Variants in AVL9 observed in about 807,000 individuals in gnomAD.
AVL9 encodes late secretory pathway protein AVL9 homolog.
Under a neutral mutation model 79.2 loss-of-function variants are expected in AVL9, and 49 were observed. That is an observed-to-expected ratio of 0.62 (90% CI 0.49 to 0.79). AVL9 has a LOEUF of 0.79. Ranked by LOEUF, AVL9 falls within the 30% of genes least tolerant of loss-of-function variation. The pLI is 0.00. For missense variants in AVL9, 682 were observed against 776.8 expected (o/e 0.88, Z 1.45); for synonymous variants, 299 against 280.6 (o/e 1.07, Z -0.65).
chr7:32,556,067 T>C (rs1289745336), intron 8 of AVL9, among the ~76,000 whole-genome samples: 1 of 152,168 alleles, frequency 6.6e-6, no homozygotes, highest in Non-Finnish European at 1.5e-5. Flanking sequence ...AAAGTTTGTC[T>C]ACAACAAGTC....
At chr7:32,541,798 T>C (rs1305433249) in intron 1 of AVL9, among the ~76,000 whole-genome samples, 2 of 151,374 alleles carry the variant, frequency 1.3e-5, no homozygotes, top group Non-Finnish European at 2.9e-5. Context: ...CACTGTAACC[T>C]CCACCTCCTG....
chr7:32,524,275 G>A (rs962840868), intron 1 of AVL9, among the ~76,000 whole-genome samples: 1 of 151,998 alleles, frequency 6.6e-6, no homozygotes, highest in Non-Finnish European at 1.5e-5. Flanking sequence ...TAGCACTTTG[G>A]GAGGCCAAGG....
intron 1 of AVL9, chr7:32,536,438 T>C (rs1023903550): frequency 2.1e-4 from 32 of 152,342 alleles, no homozygotes; most frequent in African/African-American, 7.7e-4. Context: ...GTGGATTAAT[T>C]TGGATATATA....
At chr7:32,516,999 A>T (rs1297260882) in intron 1 of AVL9, among the ~76,000 whole-genome samples, 2 of 152,272 alleles carry the variant, frequency 1.3e-5, no homozygotes, top group East Asian at 3.9e-4. Flanking sequence ...TGCCTGCTTT[A>T]AGTCTGCTGT....
At chr7:32,581,033 C>A in intron 15 of AVL9, 143 bp downstream of exon 15, 1 of 735,424 alleles carries the variant, frequency 1.4e-6, no homozygotes, top group Admixed American at 3.0e-5. Flanking sequence ...AAATTTTTGT[C>A]ATATTCATTT....
intron 1 of AVL9, among the ~76,000 whole-genome samples, chr7:32,539,492 C>A (rs548946098): frequency 7.0e-4 from 106 of 152,238 alleles, no homozygotes; most frequent in African/African-American, 2.4e-3. Context: ...ACATAAATGC[C>A]TTGTGACCAA....
At chr7:32,506,108 T>C (rs990054221) in intron 1 of AVL9, among the ~76,000 whole-genome samples, 1 of 152,152 alleles carries the variant, frequency 6.6e-6, no homozygotes, top group African/African-American at 2.4e-5. Flanking sequence ...ATACATATGA[T>C]AAAGTTTAGT....
At chr7:32,549,211 T>TA in intron 4 of AVL9, among the ~76,000 whole-genome samples, 1 of 142,460 alleles carries the variant, frequency 7.0e-6, no homozygotes, top group South Asian at 2.2e-4. Context: ...AAAAAAAATT[T>TA]TATATATATA....
At chr7:32,537,658 G>A (rs543590373) in intron 1 of AVL9, 1 of 152,130 alleles carries the variant, frequency 6.6e-6, no homozygotes, top group African/African-American at 2.4e-5. Context: ...TAGAGACAGG[G>A]TTTCACCATG....
intron 1 of AVL9, among the ~76,000 whole-genome samples, chr7:32,509,980 A>G (rs1562754069): frequency 6.6e-6 from 1 of 152,278 alleles, no homozygotes; most frequent in African/African-American, 2.4e-5. Flanking sequence ...GGGTCCTTGT[A>G]ACTTACTGAG....
chr7:32,558,283 G>C (rs546665214), intron 8 of AVL9, among the ~76,000 whole-genome samples: 11 of 151,662 alleles, frequency 7.3e-5, no homozygotes, highest in African/African-American at 2.7e-4. Context: ...TCAGCCTCCT[G>C]AGTAGCTGGG....
At position 32,576,065 on chromosome 7, in the gene AVL9, A is replaced by G. The variant is rs1791085786; in HGVS notation, c.1681A>G (p.Asn561Asp). 6.2e-6 allele frequency: 10 copies of G among 1,610,150 alleles called. No homozygotes were observed. The change falls in exon 13 of 16, where the codon AAT (asparagine) becomes GAT (aspartate). Residue 561 changes from asparagine to aspartate, a missense_variant. Asn to Asp is a conservative substitution (Grantham distance 23, BLOSUM62 1). Transcript: ENST00000318709. ...SNKHPALAEI[N>D]PNHPFQGQYS... The stretch of plus-strand genomic sequence containing the variant: ...CAAGCATCCAGCACTTGCAGAAATA[A>G]ATCCAAAGTAAGCGCGTCCTCTGAA...
At chr7:32,498,067 G>A (rs13244332) in intron 1 of AVL9, among the ~76,000 whole-genome samples, 51,683 of 151,984 alleles carry the variant, frequency 0.34, 9,332 homozygotes, top group East Asian at 0.48. Context: ...TTTTAAAAGT[G>A]ATGCCTTTCA....
chr7:32,577,993 T>C (rs749285900), intron 13 of AVL9, among the ~76,000 whole-genome samples: 2 of 152,120 alleles, frequency 1.3e-5, no homozygotes, highest in Non-Finnish European at 2.9e-5. Flanking sequence ...TACAGGGTGA[T>C]TGGACTGTGT....
intron 10 of AVL9, chr7:32,559,884 A>C (rs1257967151): frequency 6.4e-6 from 1 of 156,862 alleles, no homozygotes; most frequent in East Asian, 1.9e-4. Flanking sequence ...TTCCAAGTGC[A>C]TATAAAAGTT....
At chr7:32,526,727 CAA>C (rs565734679) in intron 1 of AVL9, among the ~76,000 whole-genome samples, 206 of 152,020 alleles carry the variant, frequency 1.4e-3, no homozygotes, top group Non-Finnish European at 2.2e-3. Flanking sequence ...GACATTTTTT[CAA>C]AAGAGTCCCA....
intron 1 of AVL9, among the ~76,000 whole-genome samples, chr7:32,530,968 G>A (rs199552381): frequency 1.3e-5 from 2 of 151,604 alleles, no homozygotes; most frequent in East Asian, 2.1e-4. Context: ...AAAAAAAAAA[G>A]AGTTTATTTA....
rs1789298224 is a variant in AVL9 at position 32,543,183 on chromosome 7, G to A, written c.136G>A (p.Asp46Asn). 1 of 1,614,024 alleles carries A rather than the reference G, an allele frequency of 6.2e-7. No individual in the cohort carries two copies. Among genetic ancestry groups the A allele is most frequent in the African/African-American group, 1.3e-5 (1 of 74,912 alleles). ...GCCCCTGATTCCAGGAGATGGACATGACAGCCACACTTTACCTGAAGAATG... is the reference window on the plus strand; with the variant it reads ...GCCCCTGATTCCAGGAGATGGACATAACAGCCACACTTTACCTGAAGAATG... ...YPPLIPGDGHDSHTLPEEWKY... is the reference protein window; with the variant it reads ...YPPLIPGDGHNSHTLPEEWKY... Residue 46 changes from aspartate to asparagine, a missense_variant, in exon 2 of 16, where the codon GAC becomes AAC. Asp to Asn is a conservative substitution (Grantham distance 23, BLOSUM62 1). Coordinates refer to ENST00000318709, the MANE Select transcript of AVL9 (RefSeq NM_015060.3).
chr7:32,526,039 G>A (rs1346892127), intron 1 of AVL9, among the ~76,000 whole-genome samples: 1 of 152,144 alleles, frequency 6.6e-6, no homozygotes, highest in Non-Finnish European at 1.5e-5. Flanking sequence ...CTAACTCACA[G>A]ATTGAAACCT....
Sources: gnomAD v4.1 joint callset for allele counts (sites outside exome capture counted in the v4.1 genomes callset) on GRCh38, gnomAD v4.1.1 for gene constraint, MANE v1.5 for transcripts, NCBI Gene and HGNC (gene_info 2026-07-23, HGNC 2026-07-21) for gene names.